The following SCAF1 variants were observed in gnomAD, a reference collection of about 807,000 sequenced individuals.
SCAF1 encodes splicing factor, arginine/serine-rich 19.
In SCAF1, 28 loss-of-function variants were observed where a neutral mutation model predicts 91.2. The ratio of observed to expected loss-of-function variants is 0.31; its 90% confidence interval spans 0.23 to 0.42. SCAF1 has a LOEUF of 0.42. Ranked by LOEUF, SCAF1 falls within the 10% of genes least tolerant of loss-of-function variation. The pLI is 1.00. For missense variants in SCAF1, 1,893 were observed against 1,872.1 expected (o/e 1.01, Z -0.21); for synonymous variants, 1,036 against 833.7 (o/e 1.24, Z -4.18).
At position 49,653,037 on chromosome 19, in the gene SCAF1, C is replaced by T. The variant is rs2081111650; in HGVS notation, c.2648C>T (p.Ala883Val). 1.2e-6 allele frequency: 2 copies of T among 1,613,996 alleles called. No individual in the cohort carries two copies. The highest frequency in any genetic ancestry group is 1.6e-4 in the Middle Eastern group (1 of 6,062). The change falls in exon 7 of 11, where the codon GCC (alanine) becomes GTC (valine). Residue 883 changes from alanine to valine, a missense_variant. Physicochemically the swap from Ala to Val is moderately conservative, Grantham distance 64. Around this residue, in one of 5 missense-constraint regions of SCAF1, gnomAD observed 1,436 missense variants for 1,306.8 expected, o/e 1.10. Coordinates refer to ENST00000360565, the MANE Select transcript of SCAF1 (RefSeq NM_021228.3). The part of the protein sequence containing the change: ...RSPFLKPDER[A>V]PTEMAKAAPG... Reference sequence around the variant, plus strand: ...CCCTTCCTCAAACCTGACGAGCGGGCCCCCACTGAGATGGCCAAAGCAGCT... The same window carrying T: ...CCCTTCCTCAAACCTGACGAGCGGGTCCCCACTGAGATGGCCAAAGCAGCT...
chr19:49,644,671 T>A (rs1385066189), intron 1 of SCAF1, among the ~76,000 whole-genome samples: 1 of 152,202 alleles, frequency 6.6e-6, no homozygotes, highest in Non-Finnish European at 1.5e-5. Context: ...GCTTTGCCTC[T>A]TAGGAGGCCA....
At chr19:49,654,000 C>A (rs982670166) in intron 7 of SCAF1, among the ~76,000 whole-genome samples, 3 of 152,110 alleles carry the variant, frequency 2.0e-5, no homozygotes, top group Non-Finnish European at 4.4e-5. Flanking sequence ...TTGAGCAGGG[C>A]ATCGTATTCC....
rs2081048291 is a variant in SCAF1 at position 49,645,289 on chromosome 19, A to C, written c.109-65A>C. On this transcript the variant is annotated intron_variant, in intron 2 of 10. Transcript: ENST00000360565. This position sits in a 1 kb window ranked among gnomAD's most constrained non-coding sequence, Gnocchi z 4.6. ...CAGTGTCTGGGATGTCTGTCTCCCA[A>C]GGGGCAGAGGTTGCAAAGCATCTGC... The C allele has an allele frequency of 6.4e-7, 1 of 1,571,976 alleles. No individual in the cohort carries two copies. The highest frequency in any genetic ancestry group is 1.1e-5 in the South Asian group (1 of 90,152).
intron 9 of SCAF1, 56 bp downstream of exon 9, chr19:49,654,926 A>G: frequency 7.4e-7 from 1 of 1,357,708 alleles, no homozygotes; most frequent in Non-Finnish European, 9.9e-7. Flanking sequence ...GAGAATATGG[A>G]CAGGAACTGA....
In SCAF1 at chr19:49,652,548, C is replaced by T; in HGVS notation, c.2159C>T (p.Pro720Leu). The change falls in exon 7 of 11, where the codon CCT (proline) becomes CTT (leucine). Residue 720 changes from proline (P) to leucine (L), a missense_variant. Physicochemically the swap from Pro to Leu is moderately conservative, Grantham distance 98. This residue lies in a region of SCAF1 where 1,436 missense variants were observed against 1,306.8 expected (regional missense o/e 1.10). Transcript: ENST00000360565. ...AAGTCCGACCCCCGAGGACCCTCTC[C>T]TGCTCCGGCCTCCTCACCTAAGCGG... ...LDKSDPRGPS[P>L]APASSPKREV... is the part of the protein sequence containing the mutation. 1 of 1,565,576 alleles carries T rather than the reference C, an allele frequency of 6.4e-7. No homozygotes were observed. The highest frequency in any genetic ancestry group is 8.7e-7 in the Non-Finnish European group (1 of 1,154,348).
At position 49,646,351 on chromosome 19, in the gene SCAF1, G is replaced by A; in HGVS notation, c.261+149G>A. On this transcript the variant is annotated intron_variant, in intron 4 of 10. Coordinates refer to ENST00000360565, the MANE Select transcript of SCAF1 (RefSeq NM_021228.3). This position sits in a 1 kb window ranked among gnomAD's most constrained non-coding sequence, Gnocchi z 5.6. ...GCAATGTTGGAGAGTCTGGGGGCCT[G>A]ATCTGTGGGCCTGAGCTTTGAGTGT... 5 of 864,264 alleles carry A rather than the reference G, an allele frequency of 5.8e-6. No homozygotes were observed. The South Asian group carries it at 8.1e-5, about 14-fold the overall frequency. 53.5% of individuals were successfully genotyped at this position (864,264 alleles called of 1,614,324 possible).
intron 7 of SCAF1, 65 bp from the exon 8 acceptor site, chr19:49,654,284 G>A: frequency 2.9e-6 from 4 of 1,396,556 alleles, no homozygotes; most frequent in East Asian, 2.3e-5. Flanking sequence ...GTCCAGGTGA[G>A]GTTCACCAGC....
intron 9 of SCAF1, among the ~76,000 whole-genome samples, chr19:49,655,123 C>T (rs1218565737): frequency 2.6e-5 from 4 of 152,134 alleles, no homozygotes; most frequent in Non-Finnish European, 4.4e-5. Flanking sequence ...CATATACACA[C>T]CCTGGAAGAG....
At chr19:49,655,972 A>C (rs901362418) in intron 9 of SCAF1, among the ~76,000 whole-genome samples, 8 of 152,220 alleles carry the variant, frequency 5.3e-5, no homozygotes, top group African/African-American at 1.9e-4. Flanking sequence ...CACCCAGCCT[A>C]GATGTGTTTT....
At chr19:49,647,097 C>T (rs923376506) in intron 6 of SCAF1, among the ~76,000 whole-genome samples, 2 of 152,204 alleles carry the variant, frequency 1.3e-5, no homozygotes, top group Non-Finnish European at 2.9e-5. Context: ...CGTTCATCTC[C>T]CCAGGAGGGG....
chr19:49,651,042 C>A lies in SCAF1; in HGVS notation c.653C>A (p.Pro218Gln), dbSNP rs748190356. Residue 218 changes from proline to glutamine, a missense_variant, in exon 7 of 11, where the codon CCA becomes CAA. Coordinates refer to ENST00000360565, the MANE Select transcript of SCAF1 (RefSeq NM_021228.3). ...CCACCCCCACCGCCCCCTGCACCCC[C>A]AGCCCCACCTGCCCCCCGATTCGAT... Reference protein sequence around the residue: ...PPPPPPPPAPPAPPAPRFDIY... With the variant: ...PPPPPPPPAPQAPPAPRFDIY... The A allele has an allele frequency of 9.5e-7, 1 of 1,051,112 alleles. No homozygotes were observed. The highest frequency in any genetic ancestry group is 1.3e-6 in the Non-Finnish European group (1 of 753,218). The allele number at this position is 1,051,112 out of a possible 1,614,324, so 65.1% of individuals were successfully genotyped here.
At position 49,644,006 on chromosome 19, in the gene SCAF1, C is replaced by T. The variant is rs1323415883; in HGVS notation, c.-6-1015C>T. Among the ~76,000 whole-genome samples, 7 of 152,308 alleles carry T rather than the reference C, an allele frequency of 4.6e-5. No homozygotes were observed. The East Asian group carries it at 5.8e-4, about 13-fold the overall frequency. ...GCGTTAAGGGCTAATAGTGTCATTC[C>T]TCTTCATCCGTATTGAGCACTTGAG... is the stretch of plus-strand genomic sequence containing the variant. On this transcript the variant is annotated intron_variant, in intron 1 of 10. Transcript: ENST00000360565.
chr19:49,652,196 C>A lies in SCAF1; in HGVS notation c.1807C>A (p.Arg603=). 1 of 1,289,418 alleles carries A rather than the reference C, an allele frequency of 7.8e-7. No homozygotes were observed. The highest frequency in any genetic ancestry group is 9.8e-7 in the Non-Finnish European group (1 of 1,018,944). The allele number at this position is 1,289,418 out of a possible 1,614,324, so 79.9% of individuals were successfully genotyped here. Residue 603 remains arginine, a synonymous_variant, in exon 7 of 11, where the codon CGG becomes AGG. Transcript: ENST00000360565. The stretch of plus-strand genomic sequence containing the variant: ...CGGGGGCAGCCGCAGGTCGCGGTCC[C>A]GGGAGAAGCGGCGACGGCGGCGGCG... The part of the protein sequence containing the change: ...RRGGSRRSRS[R]EKRRRRRRSA...
Position 49,654,441 on chromosome 19 carries a change from C to A in SCAF1, c.3399+10C>A. The A allele has an allele frequency of 6.2e-7, 1 of 1,611,780 alleles. No individual in the cohort carries two copies. The highest frequency in any genetic ancestry group is 8.5e-7 in the Non-Finnish European group (1 of 1,178,716). On this transcript the variant is annotated intron_variant, in intron 8 of 10. Transcript: ENST00000360565. ...CCAGGCCACCAACCAGGTGGGCTCC[C>A]CTGGGGGAGAGTCCCTGCCGCCCCT...
Position 49,651,806 on chromosome 19 carries a change from G to T in SCAF1, c.1417G>T (p.Ala473Ser). Residue 473 changes from alanine (A) to serine (S), a missense_variant, in exon 7 of 11, where the codon GCC becomes TCC. By Grantham distance (99) the Ala-to-Ser change is moderately conservative. Coordinates refer to ENST00000360565, the MANE Select transcript of SCAF1 (RefSeq NM_021228.3). ...GGAGCCGGCTCCCGCGCCGCCCGCC[G>T]CCGACTCGCGCTGGGGCGGCCTGGA... The part of the protein sequence containing the change: ...LGEPAPAPPA[A>S]DSRWGGLDLR... 2.4e-6 allele frequency: 3 copies of T among 1,263,964 alleles called. No individual in the cohort carries two copies. The allele number at this position is 1,263,964 out of a possible 1,614,324, so 78.3% of individuals were successfully genotyped here.
chr19:49,655,966 C>G (rs2122520042), intron 9 of SCAF1, among the ~76,000 whole-genome samples: 1 of 152,350 alleles, frequency 6.6e-6, no homozygotes, highest in African/African-American at 2.4e-5. Context: ...CCACTGCACC[C>G]AGCCTAGATG....
chr19:49,651,136 C>T lies in SCAF1; in HGVS notation c.747C>T (p.Asp249=). 2.5e-6 allele frequency: 4 copies of T among 1,611,988 alleles called. No individual in the cohort carries two copies. The highest frequency in any genetic ancestry group is 3.4e-6 in the Non-Finnish European group (4 of 1,179,468). The change falls in exon 7 of 11, where the codon GAC becomes GAT. Residue 249 remains aspartate (D), a synonymous_variant. Coordinates refer to ENST00000360565, the MANE Select transcript of SCAF1 (RefSeq NM_021228.3). ...SPPPAPEQKY[D]PFEPTGSNPS... ...CGCCTGCTCCGGAGCAAAAGTACGACCCTTTTGAGCCCACCGGCTCCAACC... is the reference window on the plus strand; with the variant it reads ...CGCCTGCTCCGGAGCAAAAGTACGATCCTTTTGAGCCCACCGGCTCCAACC...
Position 49,651,230 on chromosome 19 carries a change from G to A in SCAF1, c.841G>A (p.Glu281Lys). 6.2e-7 allele frequency: 1 copy of A among 1,613,044 alleles called. No homozygotes were observed. Among genetic ancestry groups the A allele is most frequent in the Non-Finnish European group, 8.5e-7 (1 of 1,179,858 alleles). ...EEEEEEEEEE[E>K]EDEEEEEGLS... ...GGAGGAAGAGGAAGAAGAAGAGGAA[G>A]AGGAAGACGAGGAGGAGGAGGAAGG... is the stretch of plus-strand genomic sequence containing the variant. The change falls in exon 7 of 11, where the codon GAG (glutamate) becomes AAG (lysine). Residue 281 changes from glutamate to lysine, a missense_variant. By Grantham distance (56) the Glu-to-Lys change is moderately conservative. Around this residue, in one of 5 missense-constraint regions of SCAF1, gnomAD observed 80 missense variants for 116.6 expected, o/e 0.69. Transcript: ENST00000360565.
In SCAF1 at chr19:49,646,014, T is replaced by C. The variant is rs1394304549; in HGVS notation, c.167-94T>C. 12 of 1,172,902 alleles carry C rather than the reference T, an allele frequency of 1.0e-5. No individual in the cohort carries two copies. In the East Asian group the frequency reaches 2.8e-4, roughly 28 times the overall value. 72.7% of individuals were successfully genotyped at this position (1,172,902 alleles called of 1,614,324 possible). On this transcript the variant is annotated intron_variant, in intron 3 of 10. Transcript: ENST00000360565. This position sits in a 1 kb window ranked among gnomAD's most constrained non-coding sequence, Gnocchi z 5.6. Reference sequence around the variant, plus strand: ...AGAGCATGCGGGAGGCTGGTTCCGCTGTCAGGAACTAGATCAAGCTCCTCT... The same window carrying C: ...AGAGCATGCGGGAGGCTGGTTCCGCCGTCAGGAACTAGATCAAGCTCCTCT...
Sources: allele counts gnomAD v4.1 joint callset (sites outside exome capture counted in the v4.1 genomes callset), GRCh38; gene constraint gnomAD v4.1.1; regional missense constraint gnomAD v4.1.1; non-coding constraint Gnocchi (gnomAD v3.1); transcripts MANE v1.5; gene names NCBI Gene and HGNC (gene_info 2026-07-23, HGNC 2026-07-21).